TAFA2: variants seen among roughly 807,000 people sequenced by gnomAD.
TAFA2 encodes the protein chemokine-like protein TAFA-2.
In TAFA2, 7 loss-of-function variants were observed where a neutral mutation model predicts 18.8. That is an observed-to-expected ratio of 0.37 (90% CI 0.21 to 0.70). The LOEUF is 0.70. TAFA2 is among the 30% of genes least tolerant of loss of function. The pLI is 0.53. For synonymous variants in TAFA2, 60 were observed against 54.2 expected, an observed-to-expected ratio of 1.11 and a Z score of -0.47; for missense variants, 122 against 158.1, an observed-to-expected ratio of 0.77 and a Z score of 1.23.
chr12:61,736,830 C>T (rs1252285676), intron 4 of TAFA2, among the ~76,000 whole-genome samples: 1 of 151,934 alleles, frequency 6.6e-6, no homozygotes, highest in Non-Finnish European at 1.5e-5. Context: ...AGAATTTCAG[C>T]CATTGTGATA....
At chr12:61,982,423 G>C (rs1474351743) in intron 1 of TAFA2, among the ~76,000 whole-genome samples, 2 of 151,906 alleles carry the variant, frequency 1.3e-5, no homozygotes, top group Non-Finnish European at 2.9e-5. Context: ...ATGTACCCTA[G>C]AACTTAAAGT....
intron 1 of TAFA2, among the ~76,000 whole-genome samples, chr12:61,969,527 T>G (rs1040903171): frequency 1.3e-5 from 2 of 151,660 alleles, no homozygotes; most frequent in Admixed American, 1.3e-4. Context: ...TATTCCTCAT[T>G]GTGTAAGAGG....
At chr12:61,895,930 T>A (rs535871670) in intron 1 of TAFA2, among the ~76,000 whole-genome samples, 10 of 152,222 alleles carry the variant, frequency 6.6e-5, no homozygotes, top group Non-Finnish European at 1.5e-4. Context: ...TTTGGTTATA[T>A]ACAGAAGTTA....
chr12:62,120,058 A>G lies in TAFA2; in HGVS notation c.-2+71201T>C, dbSNP rs532124180. 1.4e-4 allele frequency among the ~76,000 whole-genome samples: 21 copies of G among 152,060 alleles called. No individual in the cohort carries two copies. The East Asian group carries it at 3.9e-3, about 28-fold the overall frequency. On this transcript the variant is annotated intron_variant, in intron 1 of 4. Coordinates refer to ENST00000416284, the MANE Select transcript of TAFA2 (RefSeq NM_178539.5). ...GCCTGGGGAAAAAGAGCGAAACTCCATCTCAAAAAAAAACATTAAAAAAAA... is the reference window on the plus strand; with the variant it reads ...GCCTGGGGAAAAAGAGCGAAACTCCGTCTCAAAAAAAAACATTAAAAAAAA...
At chr12:61,932,974 G>A (rs1024475747) in intron 1 of TAFA2, among the ~76,000 whole-genome samples, 5 of 152,086 alleles carry the variant, frequency 3.3e-5, no homozygotes, top group Non-Finnish European at 5.9e-5. Flanking sequence ...CTGGAAGTAC[G>A]GAACTAAGAA....
chr12:61,917,398 G>A (rs1219493950), intron 1 of TAFA2, among the ~76,000 whole-genome samples: 2 of 152,036 alleles, frequency 1.3e-5, no homozygotes, highest in Admixed American at 1.3e-4. Flanking sequence ...TCTTTGTGTA[G>A]TATTCCTAAC....
At chr12:62,234,802 G>T in intron 1 of TAFA2, 2 of 1,011,996 alleles carry the variant, frequency 2.0e-6, no homozygotes, top group Non-Finnish European at 3.1e-6. Context: ...GGTAGGAATG[G>T]GCCTGCTTGG....
chr12:62,153,951 G>GTTATGTT (rs1365407000), intron 1 of TAFA2, among the ~76,000 whole-genome samples: 1 of 151,442 alleles, frequency 6.6e-6, no homozygotes, highest in Admixed American at 6.6e-5. Context: ...GTTATGTTAT[G>GTTATGTT]TTATGTTATG....
chr12:62,183,163 AT>A (rs1389618245), intron 1 of TAFA2, among the ~76,000 whole-genome samples: 1 of 152,174 alleles, frequency 6.6e-6, no homozygotes, highest in Non-Finnish European at 1.5e-5. Context: ...CATGAATAGT[AT>A]TATTGTCTTA....
At chr12:61,905,082 T>C (rs1253154815) in intron 1 of TAFA2, among the ~76,000 whole-genome samples, 1 of 152,208 alleles carries the variant, frequency 6.6e-6, no homozygotes, top group East Asian at 1.9e-4. Flanking sequence ...ATCTCTACTT[T>C]ATAATAATTA....
chr12:61,899,228 G>A (rs910002125), intron 1 of TAFA2, among the ~76,000 whole-genome samples: 1 of 152,092 alleles, frequency 6.6e-6, no homozygotes, highest in Non-Finnish European at 1.5e-5. Flanking sequence ...TCCAACCTCT[G>A]TCTGTGTGGG....
chr12:62,189,378 T>A (rs2062607179), intron 1 of TAFA2, among the ~76,000 whole-genome samples: 1 of 152,180 alleles, frequency 6.6e-6, no homozygotes. Flanking sequence ...AGCTCCAGTG[T>A]GGTAACTGAT....
chr12:62,076,672 C>G (rs1248983626), intron 1 of TAFA2, among the ~76,000 whole-genome samples: 1 of 152,160 alleles, frequency 6.6e-6, no homozygotes, highest in Non-Finnish European at 1.5e-5. Context: ...TCTCCTACCC[C>G]CAAACAGAAG....
intron 4 of TAFA2, among the ~76,000 whole-genome samples, chr12:61,711,707 C>T (rs1592337187): frequency 6.6e-6 from 1 of 151,836 alleles, no homozygotes; most frequent in Non-Finnish European, 1.5e-5. Context: ...TGGAGACAGT[C>T]ATCTCATTTC....
intron 2 of TAFA2, among the ~76,000 whole-genome samples, chr12:61,803,853 C>T (rs1555166809): frequency 6.6e-6 from 1 of 151,820 alleles, no homozygotes; most frequent in Non-Finnish European, 1.5e-5. Context: ...CTAACCTGCA[C>T]GTTGTGCACA....
intron 1 of TAFA2, among the ~76,000 whole-genome samples, chr12:62,089,253 TTGAC>T (rs571122451): frequency 2.0e-5 from 3 of 152,100 alleles, no homozygotes; most frequent in South Asian, 2.1e-4. Flanking sequence ...TGATGGGTAA[TTGAC>T]TGGGGACTGT....
chr12:62,055,787 G>A (rs1319066167), intron 1 of TAFA2, among the ~76,000 whole-genome samples: 1 of 152,038 alleles, frequency 6.6e-6, no homozygotes, highest in African/African-American at 2.4e-5. Context: ...CAAAAGAATA[G>A]AGATACTAGA....
At chr12:62,244,146 A>G (rs775458642) in intron 1 of TAFA2, among the ~76,000 whole-genome samples, 1 of 151,614 alleles carries the variant, frequency 6.6e-6, no homozygotes, top group Non-Finnish European at 1.5e-5. Context: ...ATTAAGAAAA[A>G]CAAAGAAAAC....
At chr12:61,975,212 C>T (rs1197697719) in intron 1 of TAFA2, among the ~76,000 whole-genome samples, 2 of 151,658 alleles carry the variant, frequency 1.3e-5, no homozygotes, top group East Asian at 1.9e-4. Flanking sequence ...AATATGTAGT[C>T]TTCATGCTAT....
Sources: gnomAD v4.1 joint callset for allele counts (sites outside exome capture counted in the v4.1 genomes callset) on GRCh38, gnomAD v4.1.1 for gene constraint, MANE v1.5 for transcripts, NCBI Gene and HGNC (gene_info 2026-07-23, HGNC 2026-07-21) for gene names.